Variants in ARHGAP22 observed in about 807,000 individuals in gnomAD.
The protein encoded by ARHGAP22 is rho GTPase-activating protein 22.
Under a neutral mutation model 59.1 loss-of-function variants are expected in ARHGAP22, and 48 were observed. The observed-to-expected ratio is 0.81, with a 90% CI of 0.64 to 1.03. The LOEUF (loss-of-function observed/expected upper bound fraction) is 1.03, where lower values mean the gene tolerates loss of function less well. Among genes scored for constraint, ARHGAP22 ranks in the 50% least tolerant of loss-of-function variants. ARHGAP22 has a pLI of 0.00. For missense variants in ARHGAP22, 1,015 were observed against 958.7 expected (o/e 1.06, Z -0.78); for synonymous variants, 445 against 416.4 (o/e 1.07, Z -0.84).
At position 48,459,803 on chromosome 10, in the gene ARHGAP22, C is replaced by T. The variant is rs145253609; in HGVS notation, c.540G>A (p.Val180=). The change falls in exon 5 of 10, where the codon GTG becomes GTA. Residue 180 remains valine (V), a synonymous_variant. Transcript: ENST00000249601. ...TGAGCCCGCGCTCCCGGATGAAGTC[C>T]ACACACTGCTCCACCAGCAGGGGCG... ...RLAPLLVEQC[V]DFIRERGLTE... The T allele has an allele frequency of 1.2e-5, 19 of 1,613,760 alleles. No individual in the cohort carries two copies. The highest frequency in any genetic ancestry group is 1.2e-4 in the Admixed American group (7 of 60,016).
chr10:48,510,671 T>C (rs1414222377), intron 3 of ARHGAP22: 1 of 152,268 alleles, frequency 6.6e-6, no homozygotes, highest in Admixed American at 6.5e-5. Flanking sequence ...TTAGTGGCCT[T>C]GCACAGTTTT....
rs57996842 is a variant in ARHGAP22, at chr10:48,446,238, AAAAGTCCCC to A, written c.*144_*152del. ...TCCCACCTGGAGTGTGTGGGGTCCCAAAAGTCCCCACAGTCCCCACAGAGGTATCAGGAT... is the reference window on the plus strand; with the variant it reads ...TCCCACCTGGAGTGTGTGGGGTCCCAACAGTCCCCACAGAGGTATCAGGAT... On this transcript the variant is annotated 3_prime_UTR_variant, in exon 10 of 10. Transcript: ENST00000249601. 1.0e-3 allele frequency: 820 copies of A among 787,528 alleles called. 7 individuals carry two copies. The African/African-American group carries it at 0.013, about 13-fold the overall frequency. 48.8% of individuals were successfully genotyped at this position (787,528 alleles called of 1,614,324 possible).
chr10:48,655,068 CCTTCTCTTCTCTTCTCTTCT>C (rs200335418), upstream of ARHGAP22, among the ~76,000 whole-genome samples: 1 of 22,126 alleles, frequency 4.5e-5, no homozygotes, highest in Non-Finnish European at 8.4e-5. Flanking sequence ...TTCCTTCCCT[CCTTCTCTTCTCTTCTCTTCT>C]CTTCTCTTCT....
chr10:48,631,168 G>A (rs567379873), intron 1 of ARHGAP22, among the ~76,000 whole-genome samples: 2 of 152,262 alleles, frequency 1.3e-5, no homozygotes, highest in Admixed American at 6.5e-5. Flanking sequence ...CTTGGTTGTG[G>A]TATATAATTC....
chr10:48,592,217 C>CGA, intron 1 of ARHGAP22, among the ~76,000 whole-genome samples: 1 of 152,146 alleles, frequency 6.6e-6, no homozygotes, highest in Non-Finnish European at 1.5e-5. Context: ...AGAGTCTCAC[C>CGA]ACTACATTGC....
intron 2 of ARHGAP22, among the ~76,000 whole-genome samples, chr10:48,577,721 C>T (rs1316683342): frequency 6.8e-6 from 1 of 148,068 alleles, no homozygotes; most frequent in Non-Finnish European, 1.5e-5. Context: ...CAACTCCAGT[C>T]TTACAGCTGA....
intron 3 of ARHGAP22, among the ~76,000 whole-genome samples, chr10:48,532,266 A>T (rs2054917647): frequency 6.6e-6 from 1 of 151,906 alleles, no homozygotes; most frequent in African/African-American, 2.4e-5. Context: ...TCACCTTCTT[A>T]ACAACCACTC....
intron 2 of ARHGAP22, among the ~76,000 whole-genome samples, chr10:48,557,714 C>A (rs1213503302): frequency 6.6e-6 from 1 of 152,252 alleles, no homozygotes; most frequent in African/African-American, 2.4e-5. Context: ...ACTGTGGGAT[C>A]TGCTGCTCAC....
At position 48,492,363 on chromosome 10, in the gene ARHGAP22, A is replaced by G. The variant is rs147274637; in HGVS notation, c.323-12599T>C. 5.7e-3 allele frequency among the ~76,000 whole-genome samples: 870 copies of G among 152,324 alleles called. 2 individuals carry two copies. Among genetic ancestry groups the G allele is most frequent in the Non-Finnish European group, 9.5e-3 (645 of 68,020 alleles). ...CTCTCCTGGCTGCCTAGAGCACAGA[A>G]GCCCTCGGAGGGCCCTAGCAGCTGG... On this transcript the variant is annotated intron_variant, in intron 3 of 9. Transcript: ENST00000249601.
chr10:48,580,705 G>C (rs1416430153), intron 2 of ARHGAP22, among the ~76,000 whole-genome samples: 2 of 152,094 alleles, frequency 1.3e-5, no homozygotes, highest in Non-Finnish European at 2.9e-5. Flanking sequence ...AGGCCAGAAG[G>C]AAATGACTGT....
Position 48,583,020 on chromosome 10 carries a change from T to C in ARHGAP22, c.167A>G (p.Gln56Arg). ...KQRSIMKNWQ[Q>R]RWFVLRGDQL... ...ATCCCCACGCAGCACAAACCAGCGC[T>C]GCTGCCAGTTCTTCATGATGCTCCT... Residue 56 changes from glutamine (Q) to arginine (R), a missense_variant, in exon 2 of 10, where the codon CAG becomes CGG. Coordinates refer to ENST00000249601, the MANE Select transcript of ARHGAP22 (RefSeq NM_021226.4). 1 of 1,614,282 alleles carries C rather than the reference T, an allele frequency of 6.2e-7. No homozygotes were observed. The highest frequency in any genetic ancestry group is 2.2e-5 in the East Asian group (1 of 44,886).
chr10:48,438,042 A>C, the ARHGAP22 span: 4 of 152,268 alleles, frequency 2.6e-5, no homozygotes, highest in Admixed American at 2.6e-4. Flanking sequence ...ATGAAGACTT[A>C]ACTATTCAGT....
chr10:48,628,514 T>C (rs755453095), intron 1 of ARHGAP22, among the ~76,000 whole-genome samples: 9 of 152,136 alleles, frequency 5.9e-5, no homozygotes, highest in Non-Finnish European at 2.9e-5. Context: ...GTCCACCATA[T>C]GCTGCTTGTA....
chr10:48,584,991 C>A (rs1250213395), intron 1 of ARHGAP22, among the ~76,000 whole-genome samples: 1 of 51,066 alleles, frequency 2.0e-5, no homozygotes, highest in East Asian at 1.6e-3. Flanking sequence ...AAGACTCAGT[C>A]TCAAAAAAAA....
intron 2 of ARHGAP22, among the ~76,000 whole-genome samples, chr10:48,561,057 T>G (rs1449704004): frequency 6.6e-6 from 1 of 152,070 alleles, no homozygotes; most frequent in Non-Finnish European, 1.5e-5. Context: ...AATAATCAAG[T>G]TGGAGTTCTA....
intron 2 of ARHGAP22, chr10:48,556,765 A>G (rs1431344139): frequency 6.6e-6 from 1 of 152,204 alleles, no homozygotes; most frequent in Non-Finnish European, 1.5e-5. Context: ...AATGCCTGCT[A>G]TTATTGTATA....
At chr10:48,491,858 A>G (rs2050426066) in intron 3 of ARHGAP22, among the ~76,000 whole-genome samples, 1 of 152,230 alleles carries the variant, frequency 6.6e-6, no homozygotes, top group Non-Finnish European at 1.5e-5. Flanking sequence ...GTGTGTATGT[A>G]CCAGGGAACT....
chr10:48,460,522 T>G (rs2047036537), intron 4 of ARHGAP22, among the ~76,000 whole-genome samples: 7 of 152,214 alleles, frequency 4.6e-5, no homozygotes. Context: ...CCCTTCCTTG[T>G]GCACTGCTGG....
rs146136192 is a variant in ARHGAP22 at position 48,611,247 on chromosome 10, G to C, written c.53-28095C>G. 6.6e-5 allele frequency among the ~76,000 whole-genome samples: 10 copies of C among 152,298 alleles called. No homozygotes were observed. In the East Asian group the frequency reaches 1.9e-3, roughly 29 times the overall value. On this transcript the variant is annotated intron_variant, in intron 1 of 9. Transcript: ENST00000435790. ...GGTACCTTGGAAAGCAGCTTCGGAGGGACCCTAGCTTACCAGGTGTGACAC... is the reference window on the plus strand; with the variant it reads ...GGTACCTTGGAAAGCAGCTTCGGAGCGACCCTAGCTTACCAGGTGTGACAC...
Sources: allele counts gnomAD v4.1 joint callset (sites outside exome capture counted in the v4.1 genomes callset), GRCh38; gene constraint gnomAD v4.1.1; transcripts MANE v1.5; gene names NCBI Gene and HGNC (gene_info 2026-07-23, HGNC 2026-07-21).